The following ANKS1B variants were observed in gnomAD, a reference collection of about 807,000 sequenced individuals.
The protein encoded by ANKS1B is ankyrin repeat and sterile alpha motif domain-containing protein 1B.
Under a neutral mutation model 148.3 loss-of-function variants are expected in ANKS1B, and 36 were observed. The observed-to-expected ratio is 0.24, with a 90% CI of 0.19 to 0.32. ANKS1B has a LOEUF of 0.32. Ranked by LOEUF, ANKS1B falls within the 10% of genes least tolerant of loss-of-function variation. The pLI, the probability that ANKS1B is intolerant of heterozygous loss-of-function variation, is 1.00. For missense variants in ANKS1B, 1,157 were observed against 1,542.6 expected (o/e 0.75, Z 4.19); for synonymous variants, 542 against 560.8 (o/e 0.97, Z 0.47).
intron 1 of ANKS1B, among the ~76,000 whole-genome samples, chr12:99,885,697 C>T (rs915456984): frequency 4.6e-5 from 7 of 152,048 alleles, no homozygotes; most frequent in Non-Finnish European, 8.8e-5. Context: ...GTGTACCTGC[C>T]ACCCGAGCAG....
intron 4 of ANKS1B, among the ~76,000 whole-genome samples, chr12:99,804,383 A>T (rs2067333072): frequency 6.6e-6 from 1 of 152,192 alleles, no homozygotes; most frequent in African/African-American, 2.4e-5. Flanking sequence ...ACTGTTAGAA[A>T]AAATTCTTAT....
intron 17 of ANKS1B, among the ~76,000 whole-genome samples, chr12:99,016,993 T>A (rs944240490): frequency 4.6e-5 from 7 of 152,170 alleles, no homozygotes; most frequent in Admixed American, 6.5e-5. Context: ...TTGCTTTTAG[T>A]TAGAGAGTTG....
chr12:98,969,974 T>C (rs1321124947), intron 17 of ANKS1B, among the ~76,000 whole-genome samples: 1 of 152,204 alleles, frequency 6.6e-6, no homozygotes, highest in South Asian at 2.1e-4. Context: ...GAAATTGGTG[T>C]TCAGACCATC....
intron 1 of ANKS1B, among the ~76,000 whole-genome samples, chr12:99,884,843 G>A (rs2092734941): frequency 6.6e-6 from 1 of 151,802 alleles, no homozygotes; most frequent in South Asian, 2.1e-4. Context: ...TTACATATTT[G>A]TCCAAACTCA....
chr12:99,228,712 T>C (rs902751015), intron 14 of ANKS1B, among the ~76,000 whole-genome samples: 1 of 151,970 alleles, frequency 6.6e-6, no homozygotes, highest in Non-Finnish European at 1.5e-5. Context: ...GAACATATTA[T>C]TTTGACCAGG....
intron 2 of ANKS1B, among the ~76,000 whole-genome samples, chr12:99,813,315 T>C (rs1027626045): frequency 6.6e-6 from 1 of 151,390 alleles, no homozygotes; most frequent in Non-Finnish European, 1.5e-5. Flanking sequence ...GTATTTTCAT[T>C]TGGATGCATT....
At chr12:99,550,306 C>T (rs1023505533) in intron 9 of ANKS1B, among the ~76,000 whole-genome samples, 45 of 152,146 alleles carry the variant, frequency 3.0e-4, no homozygotes, top group African/African-American at 1.0e-3. Flanking sequence ...ATTCAAATTC[C>T]TACCTATCCC....
chr12:99,905,410 G>A (rs2093743398), intron 1 of ANKS1B, among the ~76,000 whole-genome samples: 1 of 152,150 alleles, frequency 6.6e-6, no homozygotes, highest in Non-Finnish European at 1.5e-5. Flanking sequence ...TAGGTCTGTG[G>A]GCACAGGGAA....
Position 99,005,464 on chromosome 12 carries a change from G to A in ANKS1B, c.2778+47693C>T, listed in dbSNP as rs1411378242. ...CATGTATAAAAGGTTTAGTCATGGG[G>A]TTTTTAAGTGGATGCCTCCATGAAA... On this transcript the variant is annotated intron_variant, in intron 17 of 26. Coordinates refer to ENST00000683438, the MANE Select transcript of ANKS1B (RefSeq NM_001352186.2). 2.6e-5 allele frequency among the ~76,000 whole-genome samples: 4 copies of A among 152,186 alleles called. No homozygotes were observed. In the South Asian group the frequency reaches 6.2e-4, roughly 24 times the overall value.
intron 8 of ANKS1B, among the ~76,000 whole-genome samples, chr12:99,768,697 G>A (rs930242780): frequency 3.9e-5 from 6 of 151,978 alleles, no homozygotes; most frequent in Middle Eastern, 3.4e-3. Context: ...GTGGTGGCAC[G>A]TGCCTGTAGT....
At chr12:99,088,395 T>G (rs2052714055) in intron 15 of ANKS1B, among the ~76,000 whole-genome samples, 1 of 152,178 alleles carries the variant, frequency 6.6e-6, no homozygotes, top group Non-Finnish European at 1.5e-5. Flanking sequence ...GAATATGTAT[T>G]CAGTTTCAAA....
At chr12:99,784,168 CTTT>C (rs71088155) in intron 4 of ANKS1B, among the ~76,000 whole-genome samples, 12 of 110,842 alleles carry the variant, frequency 1.1e-4, no homozygotes, top group Non-Finnish European at 1.3e-4. Flanking sequence ...ACTGAACTTT[CTTT>C]TTTTTTTTTT....
At chr12:99,813,988 A>G (rs975896377) in intron 2 of ANKS1B, among the ~76,000 whole-genome samples, 2 of 151,626 alleles carry the variant, frequency 1.3e-5, no homozygotes, top group African/African-American at 4.8e-5. Context: ...TTTTTACTGT[A>G]CCTTTTCTAT....
At chr12:99,818,031 A>C (rs1424344282) in intron 2 of ANKS1B, among the ~76,000 whole-genome samples, 1 of 151,850 alleles carries the variant, frequency 6.6e-6, no homozygotes, top group East Asian at 1.9e-4. Context: ...AAATACAAAA[A>C]TTCAGTGAAA....
chr12:98,848,637 C>A (rs1251434387), intron 17 of ANKS1B, among the ~76,000 whole-genome samples: 1 of 150,898 alleles, frequency 6.6e-6, no homozygotes, highest in Non-Finnish European at 1.5e-5. Flanking sequence ...CAGCTCACTG[C>A]AACCTCCTCC....
chr12:99,396,689 G>C (rs1186671508), intron 12 of ANKS1B, among the ~76,000 whole-genome samples: 1 of 152,154 alleles, frequency 6.6e-6, no homozygotes, highest in East Asian at 1.9e-4. Flanking sequence ...GTCAGTTTCA[G>C]AGTGGAGAAA....
intron 19 of ANKS1B, among the ~76,000 whole-genome samples, chr12:98,815,511 A>G (rs554663342): frequency 6.6e-6 from 1 of 152,274 alleles, no homozygotes; most frequent in Admixed American, 6.5e-5. Context: ...TTTCCAGCCC[A>G]GACTTCTTCC....
intron 1 of ANKS1B, among the ~76,000 whole-genome samples, chr12:99,891,904 T>C (rs149689848): frequency 2.0e-3 from 311 of 152,354 alleles, no homozygotes; most frequent in African/African-American, 7.3e-3. Context: ...GGGGAATTTA[T>C]ATAAAAGATT....
chr12:99,627,424 C>A (rs940267056), intron 9 of ANKS1B, among the ~76,000 whole-genome samples: 6 of 152,126 alleles, frequency 3.9e-5, no homozygotes, highest in Non-Finnish European at 8.8e-5. Context: ...TTAATCCTCA[C>A]AAAGCAATGT....
Sources: gnomAD v4.1 joint callset for allele counts (sites outside exome capture counted in the v4.1 genomes callset) on GRCh38, gnomAD v4.1.1 for gene constraint, MANE v1.5 for transcripts, NCBI Gene and HGNC (gene_info 2026-07-23, HGNC 2026-07-21) for gene names.